CHST11: variants seen among roughly 807,000 people sequenced by gnomAD.
CHST11 encodes carbohydrate sulfotransferase 11.
Under a neutral mutation model 30.4 loss-of-function variants are expected in CHST11, and 9 were observed. That is an observed-to-expected ratio of 0.30 (90% CI 0.18 to 0.52). The LOEUF is 0.52. Ranked by LOEUF, CHST11 falls within the 20% of genes least tolerant of loss-of-function variation. The probability of loss-of-function intolerance (pLI) is 0.97; values close to 1 mark genes in which losing one functional copy is unlikely to be tolerated. For missense variants in CHST11, 348 were observed against 460.6 expected, an observed-to-expected ratio of 0.76 and a Z score of 2.24; for synonymous variants, 152 against 187.8, an observed-to-expected ratio of 0.81 and a Z score of 1.56.
At chr12:104,566,979 A>G (rs994195425) in intron 1 of CHST11, among the ~76,000 whole-genome samples, 5 of 152,126 alleles carry the variant, frequency 3.3e-5, no homozygotes, top group Non-Finnish European at 5.9e-5. Flanking sequence ...ATATAAATAT[A>G]TATACACACA....
chr12:104,672,803 C>G (rs1488705986), intron 2 of CHST11, among the ~76,000 whole-genome samples: 1 of 152,248 alleles, frequency 6.6e-6, no homozygotes, highest in Non-Finnish European at 1.5e-5. Context: ...CACATGCCTC[C>G]CGCATGGCAC....
intron 2 of CHST11, among the ~76,000 whole-genome samples, chr12:104,737,814 A>C (rs931127413): frequency 5.3e-5 from 8 of 152,130 alleles, no homozygotes; most frequent in Non-Finnish European, 7.4e-5. Context: ...TGTGCTGGGC[A>C]TGGGGAGGTG....
At chr12:104,602,440 G>A (rs1384505535) in intron 2 of CHST11, among the ~76,000 whole-genome samples, 1 of 152,174 alleles carries the variant, frequency 6.6e-6, no homozygotes, top group East Asian at 1.9e-4. Context: ...CCTTGCGAGC[G>A]GGGACCTTTT....
At chr12:104,603,554 C>T (rs2038976785) in intron 2 of CHST11, among the ~76,000 whole-genome samples, 1 of 152,216 alleles carries the variant, frequency 6.6e-6, no homozygotes, top group Admixed American at 6.5e-5. Flanking sequence ...CCGGCTTCAT[C>T]TCTAACTAGT....
In CHST11 at chr12:104,670,675, ACT is replaced by A. The variant is rs1266024243; in HGVS notation, c.204+68688_204+68689del. 4.0e-5 allele frequency among the ~76,000 whole-genome samples: 6 copies of A among 149,958 alleles called. No individual in the cohort carries two copies. The East Asian group carries it at 5.9e-4, about 15-fold the overall frequency. ...CACATACCCACACACACACAAATAT[ACT>A]CTCACACATACCCCTGCATACACAC... On this transcript the variant is annotated intron_variant, in intron 2 of 2. Coordinates refer to ENST00000303694, the MANE Select transcript of CHST11 (RefSeq NM_018413.6).
intron 1 of CHST11, among the ~76,000 whole-genome samples, chr12:104,492,497 G>A (rs1367890251): frequency 3.3e-5 from 5 of 152,154 alleles, no homozygotes; most frequent in South Asian, 4.1e-4. Flanking sequence ...CCCTCACTAT[G>A]TGTCTCTGGC....
At chr12:104,667,304 G>C (rs2039651270) in intron 2 of CHST11, among the ~76,000 whole-genome samples, 2 of 152,040 alleles carry the variant, frequency 1.3e-5, no homozygotes, top group African/African-American at 4.8e-5. Context: ...CCACGCTTCT[G>C]GTAATGAGAA....
At chr12:104,474,527 G>C (rs1463800995) in intron 1 of CHST11, among the ~76,000 whole-genome samples, 1 of 152,178 alleles carries the variant, frequency 6.6e-6, no homozygotes, top group Non-Finnish European at 1.5e-5. Context: ...GCCTGTAAAA[G>C]CAAAATGAGA....
chr12:104,509,474 C>T (rs2037941020), intron 1 of CHST11, among the ~76,000 whole-genome samples: 1 of 152,134 alleles, frequency 6.6e-6, no homozygotes, highest in Admixed American at 6.5e-5. Flanking sequence ...TTTTGAGTCT[C>T]CTGTTTTCCC....
intron 1 of CHST11, among the ~76,000 whole-genome samples, chr12:104,479,304 C>T (rs7977435): frequency 0.013 from 1,939 of 152,236 alleles, 47 homozygotes; most frequent in African/African-American, 0.045. Flanking sequence ...TTCCAGCCTC[C>T]ATCCTAGCCT....
intron 1 of CHST11, among the ~76,000 whole-genome samples, chr12:104,550,050 A>G (rs945002926): frequency 6.6e-6 from 1 of 152,244 alleles, no homozygotes; most frequent in African/African-American, 2.4e-5. Flanking sequence ...ACCGGGAGTC[A>G]GAATCGATAC....
chr12:104,670,798 A>ACC (rs1198597293), intron 2 of CHST11, among the ~76,000 whole-genome samples: 3 of 134,400 alleles, frequency 2.2e-5, no homozygotes, highest in African/African-American at 8.8e-5. Context: ...TCTCACACAC[A>ACC]CCCCACATAA....
intron 2 of CHST11, among the ~76,000 whole-genome samples, chr12:104,700,702 G>T (rs947448360): frequency 1.3e-5 from 2 of 152,052 alleles, no homozygotes; most frequent in Non-Finnish European, 2.9e-5. Context: ...TTTCTTTTTG[G>T]CACCTACTCT....
chr12:104,709,808 T>A (rs2040070793), intron 2 of CHST11, among the ~76,000 whole-genome samples: 2 of 152,206 alleles, frequency 1.3e-5, no homozygotes, highest in South Asian at 4.1e-4. Flanking sequence ...GTACAAGGTT[T>A]CTTTTTGAAA....
At position 104,542,085 on chromosome 12, in the gene CHST11, C is replaced by T. The variant is rs116387381; in HGVS notation, c.119-59821C>T. Reference sequence around the variant, plus strand: ...ATGATAAGCAACTAACTTCATCTTTCCTCAATTGAGAAGAGTGAGGCATGC... The same window carrying T: ...ATGATAAGCAACTAACTTCATCTTTTCTCAATTGAGAAGAGTGAGGCATGC... On this transcript the variant is annotated intron_variant, in intron 1 of 2. Transcript: ENST00000303694. 7.0e-3 allele frequency among the ~76,000 whole-genome samples: 1,074 copies of T among 152,344 alleles called. 21 individuals carry two copies. The highest frequency in any genetic ancestry group is 0.024 in the African/African-American group (1,015 of 41,574).
intron 2 of CHST11, among the ~76,000 whole-genome samples, chr12:104,613,124 C>G (rs757494218): frequency 6.6e-6 from 1 of 151,826 alleles, no homozygotes; most frequent in Non-Finnish European, 1.5e-5. Context: ...ACCCGAGAGA[C>G]TGAGGGAGGT....
At chr12:104,540,241 G>T (rs754825233) in intron 1 of CHST11, among the ~76,000 whole-genome samples, 10 of 152,226 alleles carry the variant, frequency 6.6e-5, no homozygotes, top group Non-Finnish European at 1.2e-4. Flanking sequence ...GAGGCTGATT[G>T]TACAGGACAA....
chr12:104,560,246 G>T (rs2038500322), intron 1 of CHST11, among the ~76,000 whole-genome samples: 1 of 152,200 alleles, frequency 6.6e-6, no homozygotes, highest in African/African-American at 2.4e-5. Context: ...TGAAAGGCCT[G>T]CAGGAAACCA....
At chr12:104,555,251 C>T (rs950377110) in intron 1 of CHST11, among the ~76,000 whole-genome samples, 20 of 152,288 alleles carry the variant, frequency 1.3e-4, no homozygotes, top group African/African-American at 4.8e-4. Flanking sequence ...TGTCTCTATT[C>T]TCTGGTGGAA....
Sources: gnomAD v4.1 joint callset for allele counts (sites outside exome capture counted in the v4.1 genomes callset) on GRCh38, gnomAD v4.1.1 for gene constraint, MANE v1.5 for transcripts, NCBI Gene and HGNC (gene_info 2026-07-23, HGNC 2026-07-21) for gene names.